The following TAS2R1 variants were observed in gnomAD, a reference collection of about 807,000 sequenced individuals.
The protein encoded by TAS2R1 is taste receptor type 2 member 1.
For synonymous variants in TAS2R1, 141 were observed against 134.2 expected, an observed-to-expected ratio of 1.05 and a Z score of -0.35; for missense variants, 370 against 353.4, an observed-to-expected ratio of 1.05 and a Z score of -0.38.
the TAS2R1 span, among the ~76,000 whole-genome samples, chr5:9,891,332 G>GA: frequency 9.2e-5 from 14 of 151,404 alleles, no homozygotes; most frequent in East Asian, 9.7e-4. Flanking sequence ...TTCATTTTGG[G>GA]AAAAAAAAAT....
chr5:9,746,546 G>A, the TAS2R1 span, among the ~76,000 whole-genome samples: 1 of 152,154 alleles, frequency 6.6e-6, no homozygotes, highest in African/African-American at 2.4e-5. Context: ...ACTGGATAAA[G>A]AAAATGTGGC....
At chr5:9,768,059 C>A in the TAS2R1 span, among the ~76,000 whole-genome samples, 11 of 152,266 alleles carry the variant, frequency 7.2e-5, no homozygotes, top group South Asian at 4.1e-4. Flanking sequence ...CTGCCCCCAC[C>A]CTAACTGCAT....
chr5:9,764,057 A>G, the TAS2R1 span, among the ~76,000 whole-genome samples: 2 of 152,334 alleles, frequency 1.3e-5, no homozygotes, highest in South Asian at 2.1e-4. Context: ...CTAGATTTCA[A>G]TGGGCTTGCT....
chr5:9,636,597 G>C (rs565686725), intron 2 of TAS2R1, among the ~76,000 whole-genome samples: 3 of 152,040 alleles, frequency 2.0e-5, no homozygotes, highest in African/African-American at 4.8e-5. Flanking sequence ...ATAAATTTGG[G>C]AGCTCCAGTG....
At chr5:9,668,630 T>G (rs1049135486) in intron 1 of TAS2R1, among the ~76,000 whole-genome samples, 2 of 152,144 alleles carry the variant, frequency 1.3e-5, no homozygotes, top group South Asian at 2.1e-4. Flanking sequence ...GGAGAATAAT[T>G]TCAACCAAGA....
intron 1 of TAS2R1, among the ~76,000 whole-genome samples, chr5:9,688,904 T>C (rs1310648172): frequency 2.6e-5 from 4 of 152,128 alleles, no homozygotes; most frequent in Non-Finnish European, 5.9e-5. Flanking sequence ...AGCTTTCTGC[T>C]TGGGGACTGG....
At chr5:9,822,788 A>C in the TAS2R1 span, among the ~76,000 whole-genome samples, 8 of 152,290 alleles carry the variant, frequency 5.3e-5, no homozygotes, top group East Asian at 1.3e-3. Flanking sequence ...CTAATGGATA[A>C]TCTGTGATTT....
At chr5:9,636,167 T>A (rs1416992935) in intron 2 of TAS2R1, among the ~76,000 whole-genome samples, 2 of 152,070 alleles carry the variant, frequency 1.3e-5, no homozygotes, top group Non-Finnish European at 2.9e-5. Flanking sequence ...TAATTTTTTT[T>A]AATTTGCATC....
chr5:9,669,285 A>G (rs1172050289), intron 1 of TAS2R1, among the ~76,000 whole-genome samples: 1 of 152,198 alleles, frequency 6.6e-6, no homozygotes, highest in Non-Finnish European at 1.5e-5. Flanking sequence ...ACCGACAAAG[A>G]GACTTTGATA....
At chr5:9,665,334 A>C (rs1244942519) in intron 1 of TAS2R1, among the ~76,000 whole-genome samples, 1 of 152,212 alleles carries the variant, frequency 6.6e-6, no homozygotes, top group Non-Finnish European at 1.5e-5. Context: ...TCATCTCGAA[A>C]TCAACTGATT....
chr5:9,726,630 A>G, the TAS2R1 span, among the ~76,000 whole-genome samples: 4 of 152,218 alleles, frequency 2.6e-5, no homozygotes, highest in Non-Finnish European at 5.9e-5. Flanking sequence ...CTTCGAACAC[A>G]TCCAAACATC....
the TAS2R1 span, among the ~76,000 whole-genome samples, chr5:9,800,081 G>A: frequency 2.0e-5 from 3 of 152,120 alleles, no homozygotes; most frequent in Non-Finnish European, 4.4e-5. Flanking sequence ...TTCCTCTTTT[G>A]GCCTACCTCC....
At chr5:9,713,543 G>T (rs1734743175), upstream of TAS2R1, among the ~76,000 whole-genome samples, 2 of 152,166 alleles carry the variant, frequency 1.3e-5, no homozygotes, top group Non-Finnish European at 2.9e-5. Flanking sequence ...TTTATTTGCT[G>T]AAATGTGATG....
chr5:9,771,506 G>A, the TAS2R1 span, among the ~76,000 whole-genome samples: 1 of 152,090 alleles, frequency 6.6e-6, no homozygotes, highest in Non-Finnish European at 1.5e-5. Flanking sequence ...TCTGGTTTTG[G>A]TATCAGGGTA....
chr5:9,790,638 T>C, the TAS2R1 span, among the ~76,000 whole-genome samples: 1 of 152,178 alleles, frequency 6.6e-6, no homozygotes, highest in African/African-American at 2.4e-5. Context: ...AAGAATTTTT[T>C]TTTCTTTTTT....
upstream of TAS2R1, among the ~76,000 whole-genome samples, chr5:9,634,319 T>C (rs1739928356): frequency 6.6e-6 from 1 of 152,190 alleles, no homozygotes; most frequent in Non-Finnish European, 1.5e-5. Context: ...TTTATACCAA[T>C]ACCATGCTGT....
At chr5:9,683,804 A>G (rs2126512246) in intron 1 of TAS2R1, among the ~76,000 whole-genome samples, 1 of 152,080 alleles carries the variant, frequency 6.6e-6, no homozygotes, top group African/African-American at 2.4e-5. Context: ...CCCAACCCCA[A>G]CCCAAAACAT....
chr5:9,668,702 T>C (rs907473737), intron 1 of TAS2R1, among the ~76,000 whole-genome samples: 2 of 152,124 alleles, frequency 1.3e-5, no homozygotes, highest in East Asian at 1.9e-4. Context: ...TTTTCAGATA[T>C]GGAAATGTTA....
the TAS2R1 span, among the ~76,000 whole-genome samples, chr5:9,738,607 G>A: frequency 5.3e-5 from 8 of 151,942 alleles, no homozygotes; most frequent in Non-Finnish European, 1.2e-4. Context: ...TCTATTTTTG[G>A]GAGGCCCTCG....
Sources: allele counts gnomAD v4.1 joint callset (sites outside exome capture counted in the v4.1 genomes callset), GRCh38; gene constraint gnomAD v4.1.1; transcripts MANE v1.5; gene names NCBI Gene and HGNC (gene_info 2026-07-23, HGNC 2026-07-21).